PRKCB: variants seen among roughly 807,000 people sequenced by gnomAD.
The protein encoded by PRKCB is protein kinase C beta.
Under a neutral mutation model 81.5 loss-of-function variants are expected in PRKCB, and 13 were observed. That is an observed-to-expected ratio of 0.16 (90% CI 0.10 to 0.25). The LOEUF is 0.25. PRKCB is among the 10% of genes least tolerant of loss of function. PRKCB has a pLI of 1.00. For synonymous variants in PRKCB, 335 were observed against 321.4 expected (o/e 1.04, Z -0.45); for missense variants, 509 against 875.7 (o/e 0.58, Z 5.29).
intron 13 of PRKCB, among the ~76,000 whole-genome samples, chr16:24,183,293 A>G (rs1198686318): frequency 6.6e-6 from 1 of 152,194 alleles, no homozygotes; most frequent in Non-Finnish European, 1.5e-5. Flanking sequence ...GGAATGGCTA[A>G]GTTGAGTTAA....
rs1555480619 is a variant in PRKCB, at chr16:23,873,202, A to AGAAAAAAAG, written c.205+35796_205+35797insGAAAAAAAG. 9.0e-4 allele frequency among the ~76,000 whole-genome samples: 75 copies of AGAAAAAAAG among 83,390 alleles called. 1 individual carries two copies. The highest frequency in any genetic ancestry group is 3.5e-3 in the African/African-American group (70 of 20,178). 54.7% of individuals were successfully genotyped at this position (83,390 alleles called of 152,430 possible). A position where few individuals can be genotyped will look rare whatever the true frequency, so the allele number is the denominator to read the frequency against. On this transcript the variant is annotated intron_variant, in intron 2 of 16. Transcript: ENST00000643927. ...CACACACACACACAAAAAAAAAAAA[A>AGAAAAAAAG]AAAAAAAGAAAAAAAAAGTTAGCTG...
intron 2 of PRKCB, among the ~76,000 whole-genome samples, chr16:23,909,567 C>G (rs150510774): frequency 6.6e-6 from 1 of 152,260 alleles, no homozygotes; most frequent in East Asian, 1.9e-4. Context: ...AACCATCACC[C>G]AAATAATGTA....
chr16:23,914,421 A>G (rs1020709118), intron 2 of PRKCB, among the ~76,000 whole-genome samples: 3 of 152,198 alleles, frequency 2.0e-5, no homozygotes, highest in African/African-American at 7.2e-5. Context: ...GCACAGCATC[A>G]TAAGTCACTG....
intron 10 of PRKCB, among the ~76,000 whole-genome samples, chr16:24,160,805 C>T (rs1161563933): frequency 1.3e-5 from 2 of 152,112 alleles, no homozygotes; most frequent in African/African-American, 4.8e-5. Flanking sequence ...ATAAGGATGA[C>T]ATCTGAGCAG....
chr16:23,879,952 A>G (rs1205734539), intron 2 of PRKCB, among the ~76,000 whole-genome samples: 2 of 152,240 alleles, frequency 1.3e-5, no homozygotes, highest in African/African-American at 4.8e-5. Context: ...CTTGTCTGCA[A>G]AATGGGATTA....
At position 24,217,897 on chromosome 16, in the gene PRKCB, A is replaced by G; in HGVS notation, c.*3081A>G. On this transcript the variant is annotated 3_prime_UTR_variant, in exon 17 of 17. Transcript: ENST00000643927. Reference sequence around the variant, plus strand: ...GTTCATACAGGGGTTCAAAAGGGACAGTGGCCCATTTGGGAGACCTTTAGG... The same window carrying G: ...GTTCATACAGGGGTTCAAAAGGGACGGTGGCCCATTTGGGAGACCTTTAGG... 1.0e-6 allele frequency: 1 copy of G among 985,434 alleles called. No individual in the cohort carries two copies. The highest frequency in any genetic ancestry group is 4.7e-5 in the South Asian group (1 of 21,284). The allele number at this position is 985,434 out of a possible 1,614,324, so 61.0% of individuals were successfully genotyped here. A position where few individuals can be genotyped will look rare whatever the true frequency, so the allele number is the denominator to read the frequency against.
At chr16:23,971,973 T>A (rs2141803284) in intron 2 of PRKCB, among the ~76,000 whole-genome samples, 1 of 152,238 alleles carries the variant, frequency 6.6e-6, no homozygotes, top group African/African-American at 2.4e-5. Flanking sequence ...AATTAAGACT[T>A]ATAAATGAAT....
chr16:23,840,905 T>G (rs777710998), intron 2 of PRKCB, among the ~76,000 whole-genome samples: 3 of 152,194 alleles, frequency 2.0e-5, no homozygotes, highest in Admixed American at 1.3e-4. Context: ...GTTTCCACTC[T>G]GTCTATTTCT....
intron 9 of PRKCB, among the ~76,000 whole-genome samples, chr16:24,148,852 A>G (rs1967032724): frequency 6.6e-6 from 1 of 152,204 alleles, no homozygotes; most frequent in African/African-American, 2.4e-5. Flanking sequence ...TGCAAAGCCT[A>G]TAATATTTCC....
chr16:23,879,186 AAAG>A (rs1310100978), intron 2 of PRKCB, among the ~76,000 whole-genome samples: 1 of 152,004 alleles, frequency 6.6e-6, no homozygotes, highest in East Asian at 1.9e-4. Context: ...TCAAAAAAAA[AAAG>A]AGGCAGTGTA....
intron 5 of PRKCB, among the ~76,000 whole-genome samples, chr16:24,092,170 C>T (rs1165159474): frequency 2.0e-5 from 3 of 152,102 alleles, no homozygotes; most frequent in Non-Finnish European, 4.4e-5. Flanking sequence ...GCAGTCACTC[C>T]CCATTTCCCT....
intron 15 of PRKCB, 78 bp from the exon 16 acceptor site, chr16:24,191,012 T>C: frequency 6.7e-7 from 1 of 1,493,676 alleles, no homozygotes; most frequent in Non-Finnish European, 9.2e-7. Flanking sequence ...TCCTAATGCA[T>C]TGGAGTAATA....
chr16:24,024,375 G>C (rs546365844), intron 3 of PRKCB, among the ~76,000 whole-genome samples: 1 of 152,204 alleles, frequency 6.6e-6, no homozygotes, highest in Non-Finnish European at 1.5e-5. Flanking sequence ...CAATGTTTCG[G>C]ATAGGAGGAA....
intron 10 of PRKCB, among the ~76,000 whole-genome samples, chr16:24,163,570 C>T (rs933240781): frequency 4.6e-5 from 7 of 152,144 alleles, no homozygotes; most frequent in Admixed American, 2.6e-4. Context: ...AAAACTTTGG[C>T]CTCTATGTGG....
intron 2 of PRKCB, among the ~76,000 whole-genome samples, chr16:23,949,017 G>A (rs1445617619): frequency 2.0e-5 from 3 of 152,146 alleles, no homozygotes; most frequent in Admixed American, 6.5e-5. Flanking sequence ...ATAATTTTTC[G>A]AGGAGTGGTA....
intron 2 of PRKCB, among the ~76,000 whole-genome samples, chr16:23,945,605 A>C (rs1327984271): frequency 6.6e-6 from 1 of 152,058 alleles, no homozygotes; most frequent in Non-Finnish European, 1.5e-5. Context: ...GCTTCCTAGA[A>C]GTCACAGGCC....
intron 2 of PRKCB, among the ~76,000 whole-genome samples, chr16:23,844,713 T>C (rs1256200451): frequency 6.6e-6 from 1 of 151,316 alleles, no homozygotes; most frequent in Non-Finnish European, 1.5e-5. Context: ...TTCACCATGT[T>C]AGCCAGGATG....
At chr16:24,181,121 C>G (rs757042248) in intron 13 of PRKCB, among the ~76,000 whole-genome samples, 193 bp downstream of exon 13, 1 of 152,160 alleles carries the variant, frequency 6.6e-6, no homozygotes, top group Non-Finnish European at 1.5e-5. Context: ...GAAGCCCAAG[C>G]CCAAAATACA....
At chr16:23,943,503 TG>T (rs914539744) in intron 2 of PRKCB, among the ~76,000 whole-genome samples, 1 of 152,202 alleles carries the variant, frequency 6.6e-6, no homozygotes, top group African/African-American at 2.4e-5. Context: ...CATTTCAGCC[TG>T]GGTGATAGAG....
Sources: allele counts gnomAD v4.1 joint callset (sites outside exome capture counted in the v4.1 genomes callset), GRCh38; gene constraint gnomAD v4.1.1; transcripts MANE v1.5; gene names NCBI Gene and HGNC (gene_info 2026-07-23, HGNC 2026-07-21).